TMEM141: variants seen among roughly 807,000 people sequenced by gnomAD.
The protein encoded by TMEM141 is transmembrane protein 141.
TMEM141 carries 18 observed loss-of-function variants against 15.9 expected under a neutral mutation model. That is an observed-to-expected ratio of 1.13 (90% CI 0.78 to 1.68). The LOEUF (loss-of-function observed/expected upper bound fraction) is 1.68, where lower values mean the gene tolerates loss of function less well. TMEM141 is among the 40% of genes most tolerant of loss of function. TMEM141 has a pLI of 0.00. For synonymous variants in TMEM141, 69 were observed against 54.0 expected (o/e 1.28, Z -1.22); for missense variants, 161 against 139.5 (o/e 1.15, Z -0.78).
intron 3 of TMEM141, 78 bp from the exon 4 acceptor site, chr9:136,792,173 C>T: frequency 1.3e-6 from 2 of 1,501,032 alleles, no homozygotes; most frequent in Non-Finnish European, 1.8e-6. Flanking sequence ...CCACGTCTGT[C>T]AGGAAGTAGC....
intron 3 of TMEM141, 28 bp downstream of exon 3, chr9:136,792,058 C>G (rs758328264): frequency 4.3e-6 from 7 of 1,610,524 alleles, no homozygotes; most frequent in Non-Finnish European, 5.9e-6. Context: ...CCTGCCTGGG[C>G]TCTTTGAGGG....
chr9:136,791,659 G>A (rs1702753352), intron 1 of TMEM141, 52 bp from the exon 2 acceptor site: 1 of 1,601,894 alleles, frequency 6.2e-7, no homozygotes, highest in Admixed American at 1.7e-5. Flanking sequence ...CAGGAGAGGC[G>A]GTGAAGGAAG....
chr9:136,791,924 A>T (rs201886991), intron 2 of TMEM141, 23 bp from the exon 3 acceptor site: 14 of 1,613,976 alleles, frequency 8.7e-6, no homozygotes, highest in Admixed American at 5.0e-5. Context: ...GTACAGGTTG[A>T]TGGGGACCTC....
intron 2 of TMEM141, 81 bp from the exon 3 acceptor site, chr9:136,791,866 G>T (rs1467643090): frequency 6.2e-7 from 1 of 1,609,930 alleles, no homozygotes; most frequent in African/African-American, 1.3e-5. Context: ...CAAGTCACCT[G>T]CCCGCAGGTG....
chr9:136,791,377 A>G lies in TMEM141; in HGVS notation c.7A>G (p.Asn3Asp). 2 of 1,561,728 alleles carry G rather than the reference A, an allele frequency of 1.3e-6. No individual in the cohort carries two copies. The highest frequency in any genetic ancestry group is 2.4e-5 in the East Asian group (1 of 41,558). Reference sequence around the variant, plus strand: ...TCCCCGAGCCCTGCCAACCATGGTGAACTTGGGTCTGTCCCGGGTGGACGA... The same window carrying G: ...TCCCCGAGCCCTGCCAACCATGGTGGACTTGGGTCTGTCCCGGGTGGACGA... MV[N>D]LGLSRVDDAV... is the part of the protein sequence containing the mutation. Residue 3 changes from asparagine (N) to aspartate (D), a missense_variant, in exon 1 of 5, where the codon AAC becomes GAC. By Grantham distance (23) the Asn-to-Asp change is conservative. Transcript: ENST00000290079.
rs532822013 is a variant in TMEM141 at position 136,792,571 on chromosome 9, G to A, written c.313+213G>A. Among the ~76,000 whole-genome samples, 5 of 152,356 alleles carry A rather than the reference G, an allele frequency of 3.3e-5. No homozygotes were observed. The East Asian group carries it at 9.6e-4, about 29-fold the overall frequency. On this transcript the variant is annotated intron_variant, in intron 4 of 4. Coordinates refer to ENST00000290079, the MANE Select transcript of TMEM141 (RefSeq NM_032928.4). ...GCTCCCTTTGAGGAGAAAGAACCAAGAGGGGCTGGGGTGCCCCTGAGATTG... is the reference window on the plus strand; with the variant it reads ...GCTCCCTTTGAGGAGAAAGAACCAAAAGGGGCTGGGGTGCCCCTGAGATTG...
chr9:136,792,152 G>A (rs1487396381), intron 3 of TMEM141, 99 bp from the exon 4 acceptor site: 20 of 1,498,632 alleles, frequency 1.3e-5, no homozygotes, highest in Non-Finnish European at 1.7e-5. Flanking sequence ...AGCCCCACCT[G>A]AGCCCACCCA....
chr9:136,792,525 G>A (rs932615209), intron 4 of TMEM141, among the ~76,000 whole-genome samples, 167 bp downstream of exon 4: 2 of 152,230 alleles, frequency 1.3e-5, no homozygotes, highest in African/African-American at 2.4e-5. Context: ...GGGGGTGGGC[G>A]CAGTAGACAG....
At chr9:136,791,455 A>C in intron 1 of TMEM141, 31 bp downstream of exon 1, 2 of 1,551,544 alleles carry the variant, frequency 1.3e-6, no homozygotes, top group Non-Finnish European at 1.7e-6. Flanking sequence ...CGCGGGCCTC[A>C]AACCCCAGAA....
rs1366748565 is a variant in TMEM141, at chr9:136,792,245, CCA to C, written c.206-3_206-2del. The C allele has an allele frequency of 1.9e-6, 3 of 1,572,708 alleles. No homozygotes were observed. The highest frequency in any genetic ancestry group is 2.6e-6 in the Non-Finnish European group (3 of 1,158,056). On this transcript the variant is annotated splice_region_variant and splice_polypyrimidine_tract_variant and intron_variant, in intron 3 of 4. Coordinates refer to ENST00000290079, the MANE Select transcript of TMEM141 (RefSeq NM_032928.4). Reference sequence around the variant, plus strand: ...CCCCAGCCCTCTTCCATTTCCTGCTCCACAGTTGCAGGCTCTGTGGTCAGCTA... The same window carrying C: ...CCCCAGCCCTCTTCCATTTCCTGCTCCAGTTGCAGGCTCTGTGGTCAGCTA...
At position 136,791,744 on chromosome 9, in the gene TMEM141, G is replaced by T. The variant is rs1328381861; in HGVS notation, c.88G>T (p.Ala30Ser). Residue 30 changes from alanine to serine, a missense_variant, in exon 2 of 5, where the codon GCC (alanine) becomes TCC (serine). Ala to Ser is a moderately conservative substitution (Grantham distance 99). Transcript: ENST00000290079. The part of the protein sequence containing the change: ...LGEYAACQSH[A>S]FMKGVFTFVT... Reference sequence around the variant, plus strand: ...GGAGTATGCCGCATGCCAGTCACACGCCTTCATGAAGGGCGTTTTCACCTT... The same window carrying T: ...GGAGTATGCCGCATGCCAGTCACACTCCTTCATGAAGGGCGTTTTCACCTT... 4.3e-6 allele frequency: 7 copies of T among 1,613,396 alleles called. No individual in the cohort carries two copies. In the East Asian group the frequency reaches 1.6e-4, roughly 36 times the overall value.
In TMEM141 at chr9:136,791,529, G is replaced by A. The variant is rs539650368; in HGVS notation, c.54+105G>A. On this transcript the variant is annotated intron_variant, in intron 1 of 4. Coordinates refer to ENST00000290079, the MANE Select transcript of TMEM141 (RefSeq NM_032928.4). ...GCCCTCGTCAGGGAAGAGTGGCGGAGGCTGGGGGCACTCTCTTGCTAAGGG... is the reference window on the plus strand; with the variant it reads ...GCCCTCGTCAGGGAAGAGTGGCGGAAGCTGGGGGCACTCTCTTGCTAAGGG... The A allele has an allele frequency of 2.9e-4, 451 of 1,545,756 alleles. 2 individuals carry two copies. In the South Asian group the frequency reaches 5.2e-3, roughly 18 times the overall value.
In TMEM141 at chr9:136,792,305, A is replaced by G; in HGVS notation, c.260A>G (p.Asn87Ser). ...GVTRVESEKCNNLWLFLETGQ... is the reference protein window; with the variant it reads ...GVTRVESEKCSNLWLFLETGQ... ...ACGAGAGTGGAGTCGGAGAAATGCA[A>G]CAACCTCTGGCTCTTCCTGGAGACC... The change falls in exon 4 of 5, where the codon AAC (asparagine) becomes AGC (serine). Residue 87 changes from asparagine to serine, a missense_variant. Asn to Ser is a conservative substitution (Grantham distance 46, BLOSUM62 1). Transcript: ENST00000290079. 6.3e-7 allele frequency: 1 copy of G among 1,590,608 alleles called. No individual in the cohort carries two copies. The highest frequency in any genetic ancestry group is 8.6e-7 in the Non-Finnish European group (1 of 1,168,132).
intron 2 of TMEM141, 50 bp from the exon 3 acceptor site, chr9:136,791,897 G>T: frequency 6.2e-7 from 1 of 1,613,272 alleles, no homozygotes. Flanking sequence ...GGCAAGGTGG[G>T]CCCTGGCTAT....
intron 2 of TMEM141, 45 bp from the exon 3 acceptor site, chr9:136,791,902 G>C: frequency 1.9e-6 from 3 of 1,613,490 alleles, no homozygotes; most frequent in Non-Finnish European, 2.5e-6. Context: ...GGTGGGCCCT[G>C]GCTATCCCCG....
rs186370422 is a variant in TMEM141 at position 136,792,792 on chromosome 9, G to A, written c.314-27G>A. The A allele has an allele frequency of 9.1e-4, 1,403 of 1,538,402 alleles. 2 individuals carry two copies. Among genetic ancestry groups the A allele is most frequent in the Non-Finnish European group, 9.9e-4 (1,127 of 1,137,446 alleles). On this transcript the variant is annotated intron_variant, in intron 4 of 4. Coordinates refer to ENST00000290079, the MANE Select transcript of TMEM141 (RefSeq NM_032928.4). Reference sequence around the variant, plus strand: ...TGCCCAGCCACGATGGATGTGGTTCGAGCTTGTCTCTCTTTGCCTTTTACA... The same window carrying A: ...TGCCCAGCCACGATGGATGTGGTTCAAGCTTGTCTCTCTTTGCCTTTTACA...
chr9:136,792,053 C>T, intron 3 of TMEM141, 23 bp downstream of exon 3: 2 of 1,613,152 alleles, frequency 1.2e-6, no homozygotes, highest in Non-Finnish European at 1.7e-6. Flanking sequence ...GGGCCCCTGC[C>T]TGGGCTCTTT....
At chr9:136,792,207 G>A (rs1305691052) in intron 3 of TMEM141, 44 bp from the exon 4 acceptor site, 1 of 1,541,854 alleles carries the variant, frequency 6.5e-7, no homozygotes, top group Admixed American at 1.9e-5. Flanking sequence ...TCTTAGCCTG[G>A]GAAGCACAGA....
At chr9:136,792,794 G>A in intron 4 of TMEM141, 25 bp from the exon 5 acceptor site, 2 of 1,542,958 alleles carry the variant, frequency 1.3e-6, no homozygotes, top group South Asian at 1.2e-5. Flanking sequence ...TGTGGTTCGA[G>A]CTTGTCTCTC....
Sources: gnomAD v4.1 joint callset for allele counts (sites outside exome capture counted in the v4.1 genomes callset) on GRCh38, gnomAD v4.1.1 for gene constraint, MANE v1.5 for transcripts, NCBI Gene and HGNC (gene_info 2026-07-23, HGNC 2026-07-21) for gene names.